RAD54L2: variants seen among roughly 807,000 people sequenced by gnomAD.
RAD54L2 encodes helicase ARIP4.
In RAD54L2, 27 loss-of-function variants were observed where a neutral mutation model predicts 138.4. The observed-to-expected ratio is 0.20, with a 90% CI of 0.14 to 0.27. RAD54L2 has a LOEUF of 0.27. Ranked by LOEUF, RAD54L2 falls within the 10% of genes least tolerant of loss-of-function variation. RAD54L2 has a pLI of 1.00. For missense variants in RAD54L2, 1,396 were observed against 1,890.2 expected, an observed-to-expected ratio of 0.74 and a Z score of 4.85; for synonymous variants, 644 against 723.2, an observed-to-expected ratio of 0.89 and a Z score of 1.76.
rs1007530600 is a variant in RAD54L2, at chr3:51,646,298, A to G, written c.2843A>G (p.His948Arg). 1.3e-6 allele frequency: 2 copies of G among 1,590,490 alleles called. No individual in the cohort carries two copies. Among genetic ancestry groups the G allele is most frequent in the Non-Finnish European group, 8.6e-7 (1 of 1,168,754 alleles). ...CTGTGTCCCCAGGAGCCTTTCGAGC[A>G]TGAGTCATTGCTCTTGAACCGAAAG... ...PHLITKEPFEHESLLLNRKDH... is the reference protein window; with the variant it reads ...PHLITKEPFERESLLLNRKDH... Residue 948 changes from histidine to arginine, a missense_variant, in exon 19 of 23, where the codon CAT becomes CGT. By Grantham distance (29) the His-to-Arg change is conservative. Transcript: ENST00000684192.
chr3:51,640,016 C>T lies in RAD54L2; in HGVS notation c.2231+17C>T. ...TGTGTTTAGGTAGGATGAGAAACTT[C>T]CATTTGAGGCTGTGTGTCTATGGTA... On this transcript the variant is annotated intron_variant, in intron 14 of 22. Coordinates refer to ENST00000684192, the MANE Select transcript of RAD54L2 (RefSeq NM_015106.4). 1 of 1,537,322 alleles carries T rather than the reference C, an allele frequency of 6.5e-7. No homozygotes were observed.
At position 51,662,783 on chromosome 3, in the gene RAD54L2, G is replaced by A. The variant is rs747832662; in HGVS notation, c.3767G>A (p.Arg1256Gln). 3.7e-6 allele frequency: 6 copies of A among 1,610,656 alleles called. No homozygotes were observed. Among genetic ancestry groups the A allele is most frequent in the African/African-American group, 1.3e-5 (1 of 74,962 alleles). Residue 1256 changes from arginine (R) to glutamine (Q), a missense_variant, in exon 23 of 23, where the codon CGA becomes CAA. Arg to Gln is a conservative substitution (Grantham distance 43, BLOSUM62 1). Transcript: ENST00000684192. The surrounding 1 kb of genome is among the most constrained non-coding windows in gnomAD (Gnocchi z 4.6). ...HPVLDLRGHK[R>Q]KLATPPAAQE... Reference sequence around the variant, plus strand: ...GTGCTGGACTTAAGGGGCCACAAGCGAAAGTTGGCCACACCACCTGCTGCC... The same window carrying A: ...GTGCTGGACTTAAGGGGCCACAAGCAAAAGTTGGCCACACCACCTGCTGCC...
chr3:51,613,507 G>A (rs1349860024), intron 3 of RAD54L2, among the ~76,000 whole-genome samples: 1 of 152,096 alleles, frequency 6.6e-6, no homozygotes, highest in Non-Finnish European at 1.5e-5. Flanking sequence ...GGCGGCTCAC[G>A]CCTATAATCC....
Position 51,668,506 on chromosome 3 carries a change from G to A in RAD54L2, c.*5086G>A, listed in dbSNP as rs1388649272. ...CAGCAGGGCAGGCGCTCCTGCCCCA[G>A]AGACTGGGCAACTGGCTGTTTCTAT... On this transcript the variant is annotated 3_prime_UTR_variant, in exon 23 of 23. Transcript: ENST00000684192. The A allele has an allele frequency of 3.3e-5, 5 of 152,194 alleles. No homozygotes were observed. The highest frequency in any genetic ancestry group is 2.6e-4 in the Admixed American group (4 of 15,286). The allele number at this position is 152,194 out of a possible 1,614,324, so 9.4% of individuals were successfully genotyped here. A position where few individuals can be genotyped will look rare whatever the true frequency, so the allele number is the denominator to read the frequency against.
chr3:51,563,692 T>G (rs982001150), intron 2 of RAD54L2, among the ~76,000 whole-genome samples: 3 of 152,212 alleles, frequency 2.0e-5, no homozygotes, highest in African/African-American at 7.2e-5. Context: ...GGTTTATTTT[T>G]TATTTATTTT....
At chr3:51,586,848 T>G (rs1196210305) in intron 2 of RAD54L2, among the ~76,000 whole-genome samples, 1 of 151,522 alleles carries the variant, frequency 6.6e-6, no homozygotes, top group Non-Finnish European at 1.5e-5. Flanking sequence ...GGATTACAGA[T>G]GTGAGCCACC....
intron 21 of RAD54L2, among the ~76,000 whole-genome samples, chr3:51,658,328 CATACAT>C (rs1474954237): frequency 7.9e-5 from 12 of 151,852 alleles, no homozygotes; most frequent in Non-Finnish European, 1.8e-4. Context: ...TATAAGCCTA[CATACAT>C]TTACCCACTT....
chr3:51,608,536 C>T (rs956077599), intron 3 of RAD54L2, among the ~76,000 whole-genome samples: 6 of 152,180 alleles, frequency 3.9e-5, no homozygotes, highest in Non-Finnish European at 5.9e-5. Flanking sequence ...GCCTGGGCAA[C>T]GTTGAGCACT....
At position 51,662,332 on chromosome 3, in the gene RAD54L2, T is replaced by G; in HGVS notation, c.3410-94T>G. ...ATCAAACTATTAGAATTTTGGGGACTACAGGACAGGATTTTTTTTAATGGA... is the reference window on the plus strand; with the variant it reads ...ATCAAACTATTAGAATTTTGGGGACGACAGGACAGGATTTTTTTTAATGGA... On this transcript the variant is annotated intron_variant, in intron 22 of 22. Transcript: ENST00000684192. This position sits in a 1 kb window ranked among gnomAD's most constrained non-coding sequence, Gnocchi z 4.6. 1 of 1,251,112 alleles carries G rather than the reference T, an allele frequency of 8.0e-7. No homozygotes were observed. Among genetic ancestry groups the G allele is most frequent in the Non-Finnish European group, 1.1e-6 (1 of 921,440 alleles). The allele number at this position is 1,251,112 out of a possible 1,614,324, so 77.5% of individuals were successfully genotyped here.
intron 3 of RAD54L2, among the ~76,000 whole-genome samples, chr3:51,607,934 C>T (rs1187346431): frequency 7.2e-6 from 1 of 139,164 alleles, no homozygotes; most frequent in African/African-American, 3.2e-5. Context: ...GGGGGCTGCC[C>T]CCCTCCTCCC....
At chr3:51,639,384 G>A in intron 12 of RAD54L2, 35 bp from the exon 13 acceptor site, 3 of 1,604,148 alleles carry the variant, frequency 1.9e-6, no homozygotes, top group Non-Finnish European at 2.6e-6. Context: ...AATGTTTTTT[G>A]TCCTGTGTCT....
intron 3 of RAD54L2, among the ~76,000 whole-genome samples, chr3:51,613,606 GAAATAC>G (rs1464643013): frequency 2.6e-5 from 4 of 151,988 alleles, no homozygotes; most frequent in Non-Finnish European, 5.9e-5. Flanking sequence ...GTCTGTGGTA[GAAATAC>G]AAAGATTAGC....
chr3:51,610,794 G>C (rs1305027012), intron 3 of RAD54L2, among the ~76,000 whole-genome samples: 3 of 152,190 alleles, frequency 2.0e-5, no homozygotes, highest in Non-Finnish European at 2.9e-5. Flanking sequence ...GAGAGAGGCT[G>C]CCAGTTGGAA....
intron 2 of RAD54L2, among the ~76,000 whole-genome samples, chr3:51,558,840 A>G (rs1699032543): frequency 6.6e-6 from 1 of 151,982 alleles, no homozygotes; most frequent in Admixed American, 6.6e-5. Context: ...ACATTCCTTA[A>G]TAGAAATCAA....
chr3:51,565,860 GCT>G (rs1699204821), intron 2 of RAD54L2, among the ~76,000 whole-genome samples: 1 of 115,004 alleles, frequency 8.7e-6, no homozygotes, highest in African/African-American at 3.4e-5. Flanking sequence ...ACGGAGTCTT[GCT>G]CTGTCACCCA....
chr3:51,561,316 G>T (rs1315538092), intron 2 of RAD54L2, among the ~76,000 whole-genome samples: 1 of 152,188 alleles, frequency 6.6e-6, no homozygotes, highest in Non-Finnish European at 1.5e-5. Flanking sequence ...TGTGATCTCG[G>T]TTCATTGCAA....
At chr3:51,566,466 GTTTT>G (rs71084149) in intron 2 of RAD54L2, among the ~76,000 whole-genome samples, 27 of 31,524 alleles carry the variant, frequency 8.6e-4, no homozygotes, top group African/African-American at 1.9e-3. Flanking sequence ...CCTTTTCTGC[GTTTT>G]TTTTTTTTTT....
intron 21 of RAD54L2, among the ~76,000 whole-genome samples, chr3:51,658,592 T>C (rs990414510): frequency 2.6e-5 from 4 of 152,232 alleles, no homozygotes; most frequent in Non-Finnish European, 5.9e-5. Context: ...GTTTTACATA[T>C]TAGCCTTTAA....
chr3:51,646,909 C>T (rs1457471300), intron 19 of RAD54L2, among the ~76,000 whole-genome samples: 2 of 152,202 alleles, frequency 1.3e-5, no homozygotes, highest in Non-Finnish European at 2.9e-5. Context: ...CATTCTGTGT[C>T]TGTGCCATGA....
Sources: gnomAD v4.1 joint callset for allele counts (sites outside exome capture counted in the v4.1 genomes callset) on GRCh38, gnomAD v4.1.1 for gene constraint, Gnocchi (gnomAD v3.1) non-coding constraint, MANE v1.5 for transcripts, NCBI Gene and HGNC (gene_info 2026-07-23, HGNC 2026-07-21) for gene names.